TRIP10: variants seen among roughly 807,000 people sequenced by gnomAD.
The protein encoded by TRIP10 is cdc42-interacting protein 4.
TRIP10 carries 54 observed loss-of-function variants against 80.9 expected under a neutral mutation model. That is an observed-to-expected ratio of 0.67 (90% CI 0.54 to 0.84). The LOEUF (loss-of-function observed/expected upper bound fraction) is 0.84. TRIP10 is among the 40% of genes least tolerant of loss of function. TRIP10 has a pLI of 0.00. For synonymous variants in TRIP10, 321 were observed against 307.2 expected, an observed-to-expected ratio of 1.04 and a Z score of -0.47; for missense variants, 773 against 815.3, an observed-to-expected ratio of 0.95 and a Z score of 0.63.
chr19:6,745,019 G>C lies in TRIP10; in HGVS notation c.984+25G>C. The C allele has an allele frequency of 6.2e-7, 1 of 1,607,488 alleles. No individual in the cohort carries two copies. Among genetic ancestry groups the C allele is most frequent in the South Asian group, 1.1e-5 (1 of 90,316 alleles). ...GGTGGGGGCCGGGACCCTTGGGATG[G>C]TGGGGGAGAAGGACAGTGAAGTGGG... On this transcript the variant is annotated intron_variant, in intron 9 of 14. Transcript: ENST00000313244. This position sits in a 1 kb window ranked among gnomAD's most constrained non-coding sequence, Gnocchi z 7.2.
Position 6,751,102 on chromosome 19 carries a change from A to C in TRIP10, c.1697A>C (p.Asp566Ala), listed in dbSNP as rs563751800. ...EGTISMAEGE[D>A]LSLMEEDKGD... is the part of the protein sequence containing the mutation. ...ACTATCTCTATGGCCGAGGGTGAAG[A>C]CCTCAGTCTTATGGAAGAAGACAAA... is the stretch of plus-strand genomic sequence containing the variant. The change falls in exon 15 of 15, where the codon GAC (aspartate) becomes GCC (alanine). Residue 566 changes from aspartate to alanine, a missense_variant. Coordinates refer to ENST00000313244, the MANE Select transcript of TRIP10 (RefSeq NM_001288962.2). 8.7e-6 allele frequency: 14 copies of C among 1,607,380 alleles called. No homozygotes were observed. The South Asian group carries it at 1.6e-4, about 18-fold the overall frequency.
chr19:6,739,698 CGGCGGG>C lies in TRIP10; in HGVS notation c.-63_-58del. 1 of 1,068,278 alleles carries C rather than the reference CGGCGGG, an allele frequency of 9.4e-7. No individual in the cohort carries two copies. Among genetic ancestry groups the C allele is most frequent in the South Asian group, 3.8e-5 (1 of 26,554 alleles). The allele number at this position is 1,068,278 out of a possible 1,614,324, so 66.2% of individuals were successfully genotyped here. ...CTCGGCTGAGTCTCCCCGGGGAGGGCGGCGGGCGGCGGGCGGCGGGGACCGGGTGCG... is the reference window on the plus strand; with the variant it reads ...CTCGGCTGAGTCTCCCCGGGGAGGGCCGGCGGGCGGCGGGGACCGGGTGCG... On this transcript the variant is annotated 5_prime_UTR_variant, in exon 1 of 15. Coordinates refer to ENST00000313244, the MANE Select transcript of TRIP10 (RefSeq NM_001288962.2).
At position 6,739,723 on chromosome 19, in the gene TRIP10, G is replaced by T; in HGVS notation, c.-39G>T. ...CGGCGGGCGGCGGGCGGCGGGGACC[G>T]GGTGCGGTGGTGGCTGCGGCGGCGG... is the stretch of plus-strand genomic sequence containing the variant. On this transcript the variant is annotated 5_prime_UTR_variant, in exon 1 of 15. Coordinates refer to ENST00000313244, the MANE Select transcript of TRIP10 (RefSeq NM_001288962.2). The T allele has an allele frequency of 7.6e-7, 1 of 1,324,238 alleles. No homozygotes were observed. The allele number at this position is 1,324,238 out of a possible 1,614,324, so 82.0% of individuals were successfully genotyped here.
In TRIP10 at chr19:6,745,934, G is replaced by A; in HGVS notation, c.985-95G>A. The A allele has an allele frequency of 8.1e-7, 1 of 1,238,356 alleles. No homozygotes were observed. The highest frequency in any genetic ancestry group is 1.0e-6 in the Non-Finnish European group (1 of 978,408). The allele number at this position is 1,238,356 out of a possible 1,614,324, so 76.7% of individuals were successfully genotyped here. The stretch of plus-strand genomic sequence containing the variant: ...TTTTTGCGTCCATCCGTCCATCCGT[G>A]CGTCCATCCCTCCGTCCATTCGTCC... On this transcript the variant is annotated intron_variant, in intron 9 of 14. Coordinates refer to ENST00000313244, the MANE Select transcript of TRIP10 (RefSeq NM_001288962.2). This position sits in a 1 kb window ranked among gnomAD's most constrained non-coding sequence, Gnocchi z 7.2.
chr19:6,749,256 T>A (rs1306972657), intron 11 of TRIP10, among the ~76,000 whole-genome samples: 3 of 152,166 alleles, frequency 2.0e-5, no homozygotes, highest in African/African-American at 7.2e-5. Context: ...AGTGTTATAT[T>A]TCTGATGCTT....
Position 6,745,665 on chromosome 19 carries a change from G to C in TRIP10, c.985-364G>C. 1.2e-5 allele frequency: 12 copies of C among 985,298 alleles called. No homozygotes were observed. The highest frequency in any genetic ancestry group is 1.4e-5 in the Non-Finnish European group (12 of 829,910). The allele number at this position is 985,298 out of a possible 1,614,324, so 61.0% of individuals were successfully genotyped here. A position where few individuals can be genotyped will look rare whatever the true frequency, so the allele number is the denominator to read the frequency against. On this transcript the variant is annotated intron_variant, in intron 9 of 14. Coordinates refer to ENST00000313244, the MANE Select transcript of TRIP10 (RefSeq NM_001288962.2). This position sits in a 1 kb window ranked among gnomAD's most constrained non-coding sequence, Gnocchi z 7.2. Reference sequence around the variant, plus strand: ...CAGCCCAGAAAGCTAAGTGGACAGAGAGACATGGGCCTCCCTGCCTCCTGG... The same window carrying C: ...CAGCCCAGAAAGCTAAGTGGACAGACAGACATGGGCCTCCCTGCCTCCTGG...
Position 6,744,891 on chromosome 19 carries a change from C to T in TRIP10, c.881C>T (p.Ala294Val), listed in dbSNP as rs902157922. 6 of 1,614,248 alleles carry T rather than the reference C, an allele frequency of 3.7e-6. No homozygotes were observed. Residue 294 changes from alanine (A) to valine (V), a missense_variant, in exon 9 of 15, where the codon GCA becomes GTA. By Grantham distance (64) the Ala-to-Val change is moderately conservative (BLOSUM62 0). Coordinates refer to ENST00000313244, the MANE Select transcript of TRIP10 (RefSeq NM_001288962.2). The surrounding 1 kb of genome is among the most constrained non-coding windows in gnomAD (Gnocchi z 4.9). ...FEDFSQPMNR[A>V]PSDSSLGTPS... ...GACTTCAGCCAGCCCATGAACCGTGCACCCTCCGACAGCAGTCTGGGCACC... is the reference window on the plus strand; with the variant it reads ...GACTTCAGCCAGCCCATGAACCGTGTACCCTCCGACAGCAGTCTGGGCACC...
chr19:6,743,962 A>T, intron 7 of TRIP10, 126 bp downstream of exon 7: 1 of 1,278,874 alleles, frequency 7.8e-7, no homozygotes, highest in Non-Finnish European at 1.1e-6. Flanking sequence ...TCAGAAACCT[A>T]TAGTAACAGT....
chr19:6,746,796 G>A lies in TRIP10; in HGVS notation c.1262+235G>A, dbSNP rs546757939. 5.9e-5 allele frequency among the ~76,000 whole-genome samples: 9 copies of A among 152,186 alleles called. No individual in the cohort carries two copies. Among genetic ancestry groups the A allele is most frequent in the South Asian group, 2.1e-4 (1 of 4,820 alleles). On this transcript the variant is annotated intron_variant, in intron 11 of 14. Coordinates refer to ENST00000313244, the MANE Select transcript of TRIP10 (RefSeq NM_001288962.2). The surrounding 1 kb of genome is among the most constrained non-coding windows in gnomAD (Gnocchi z 6.2). ...GCCTGCCGATTAGCTAGGACCACAG[G>A]CATGCACCAGCTAATTTTTATATTT...
chr19:6,741,408 G>C (rs888712758), intron 3 of TRIP10, 127 bp downstream of exon 3: 75 of 1,085,778 alleles, frequency 6.9e-5, no homozygotes, highest in Non-Finnish European at 9.6e-5. Context: ...TGAGAGCATG[G>C]ATGCAAGATG....
Position 6,745,254 on chromosome 19 carries a change from G to A in TRIP10, c.984+260G>A, listed in dbSNP as rs1378999757. ...TTCTCGGGATGCTGGGAGAAAACCT[G>A]CTGGTGGAATTCAGGGCTGGCCTGA... On this transcript the variant is annotated intron_variant, in intron 9 of 14. Coordinates refer to ENST00000313244, the MANE Select transcript of TRIP10 (RefSeq NM_001288962.2). This position sits in a 1 kb window ranked among gnomAD's most constrained non-coding sequence, Gnocchi z 7.2. 2 of 534,362 alleles carry A rather than the reference G, an allele frequency of 3.7e-6. No individual in the cohort carries two copies. Among genetic ancestry groups the A allele is most frequent in the East Asian group, 3.4e-5 (1 of 29,232 alleles). The allele number at this position is 534,362 out of a possible 1,614,324, so 33.1% of individuals were successfully genotyped here. A position where few individuals can be genotyped will look rare whatever the true frequency, so the allele number is the denominator to read the frequency against.
Position 6,745,153 on chromosome 19 carries a change from T to C in TRIP10, c.984+159T>C, listed in dbSNP as rs796759743. The C allele has an allele frequency of 2.5e-6, 2 of 811,132 alleles. No individual in the cohort carries two copies. Among genetic ancestry groups the C allele is most frequent in the South Asian group, 2.0e-5 (1 of 50,748 alleles). 50.2% of individuals were successfully genotyped at this position (811,132 alleles called of 1,614,324 possible). A position where few individuals can be genotyped will look rare whatever the true frequency, so the allele number is the denominator to read the frequency against. On this transcript the variant is annotated intron_variant, in intron 9 of 14. Transcript: ENST00000313244. This position sits in a 1 kb window ranked among gnomAD's most constrained non-coding sequence, Gnocchi z 7.2. ...GACTGGAGGGAAGGAAGGCGGCCGA[T>C]TGGCCTGGGAGTCCCCCGAGGCGAA...
At position 6,744,461 on chromosome 19, in the gene TRIP10, A is replaced by G; in HGVS notation, c.643-93A>G. On this transcript the variant is annotated intron_variant, in intron 7 of 14. Transcript: ENST00000313244. The surrounding 1 kb of genome is among the most constrained non-coding windows in gnomAD (Gnocchi z 4.9). ...TCCAGACTGGCTTGGGGCTGGGGCC[A>G]GCGTGGAGCGCGATCATATTTGCAG... 1 of 1,556,228 alleles carries G rather than the reference A, an allele frequency of 6.4e-7. No homozygotes were observed. Among genetic ancestry groups the G allele is most frequent in the East Asian group, 2.2e-5 (1 of 44,592 alleles).
intron 13 of TRIP10, 21 bp downstream of exon 13, chr19:6,750,452 G>A (rs1254663415): frequency 5.6e-6 from 9 of 1,613,980 alleles, no homozygotes; most frequent in Non-Finnish European, 7.6e-6. Flanking sequence ...ACGTCAGAGT[G>A]GGTCTGTTCC....
chr19:6,748,856 T>C (rs1969204332), intron 11 of TRIP10: 1 of 152,152 alleles, frequency 6.6e-6, no homozygotes, highest in East Asian at 1.9e-4. Context: ...CAAAGGTCCA[T>C]TATAGTCGTG....
rs1254824711 is a variant in TRIP10 at position 6,743,710 on chromosome 19, C to T, written c.516C>T (p.Ala172=). The change falls in exon 7 of 15, where the codon GCC becomes GCT. Residue 172 remains alanine, a splice_region_variant and synonymous_variant. Transcript: ENST00000313244. Reference sequence around the variant, plus strand: ...CCTTCCACCTCTGCATTCTTCAGGCCAAGCAGCAAGCCCACCTTCGGAGTC... The same window carrying T: ...CCTTCCACCTCTGCATTCTTCAGGCTAAGCAGCAAGCCCACCTTCGGAGTC... ...INATKADVEK[A]KQQAHLRSHM... is the part of the protein sequence containing the mutation. 6.2e-7 allele frequency: 1 copy of T among 1,613,802 alleles called. No individual in the cohort carries two copies. Among genetic ancestry groups the T allele is most frequent in the Non-Finnish European group, 8.5e-7 (1 of 1,179,934 alleles).
At position 6,743,578 on chromosome 19, in the gene TRIP10, A is replaced by T. The variant is rs1968995010; in HGVS notation, c.493A>T (p.Thr165Ser). The change falls in exon 6 of 15, where the codon ACC (threonine) becomes TCC (serine). Residue 165 changes from threonine to serine, a missense_variant. By Grantham distance (58) the Thr-to-Ser change is moderately conservative (BLOSUM62 1). Transcript: ENST00000313244. ...ACGGCTAGACCAGGATATCAACGCCACCAAGGCTGATGTGGAGAAGGTGTG... is the reference window on the plus strand; with the variant it reads ...ACGGCTAGACCAGGATATCAACGCCTCCAAGGCTGATGTGGAGAAGGTGTG... ...AERLDQDINA[T>S]KADVEKAKQQ... 7.3e-7 allele frequency: 1 copy of T among 1,377,174 alleles called. No homozygotes were observed. The highest frequency in any genetic ancestry group is 1.6e-5 in the African/African-American group (1 of 60,996). The allele number at this position is 1,377,174 out of a possible 1,614,324, so 85.3% of individuals were successfully genotyped here.
rs1003085035 is a variant in TRIP10 at position 6,751,340 on chromosome 19, C to T, written c.*129C>T. The T allele has an allele frequency of 8.6e-6, 13 of 1,513,190 alleles. No individual in the cohort carries two copies. The African/African-American group carries it at 1.8e-4, about 21-fold the overall frequency. The allele number at this position is 1,513,190 out of a possible 1,614,324, so 93.7% of individuals were successfully genotyped here. The stretch of plus-strand genomic sequence containing the variant: ...AGACCTGTGTAACCTGCTGCCCCCT[C>T]CACCCCCAACCCAGTCCTACCTGTC... On this transcript the variant is annotated 3_prime_UTR_variant, in exon 15 of 15. Transcript: ENST00000313244.
Position 6,746,467 on chromosome 19 carries a change from G to A in TRIP10, c.1168G>A (p.Asp390Asn). ...RGSRGTVVTE[D>N]FSHLPPEQQR... is the part of the protein sequence containing the mutation. ...CACCTTGCAGACAGTGGTGACCGAG[G>A]ATTTTAGCCACTTGCCCCCAGAGCA... is the stretch of plus-strand genomic sequence containing the variant. The change falls in exon 11 of 15, where the codon GAT becomes AAT. Residue 390 changes from aspartate to asparagine, a missense_variant. Physicochemically the swap from Asp to Asn is conservative, Grantham distance 23. Transcript: ENST00000313244. This position sits in a 1 kb window ranked among gnomAD's most constrained non-coding sequence, Gnocchi z 6.2. 6.2e-7 allele frequency: 1 copy of A among 1,614,124 alleles called. No homozygotes were observed. Among genetic ancestry groups the A allele is most frequent in the Non-Finnish European group, 8.5e-7 (1 of 1,180,014 alleles).
Sources: allele counts gnomAD v4.1 joint callset (sites outside exome capture counted in the v4.1 genomes callset), GRCh38; gene constraint gnomAD v4.1.1; non-coding constraint Gnocchi (gnomAD v3.1); transcripts MANE v1.5; gene names NCBI Gene and HGNC (gene_info 2026-07-23, HGNC 2026-07-21).